Variants in SP140 observed in about 807,000 individuals in gnomAD.
The protein encoded by SP140 is SP140 nuclear body protein, also known as nuclear body protein SP140.
In SP140, 81 loss-of-function variants were observed where a neutral mutation model predicts 125.0. That is an observed-to-expected ratio of 0.65 (90% CI 0.54 to 0.78). The LOEUF is 0.78. SP140 is among the 30% of genes least tolerant of loss of function. The probability of loss-of-function intolerance (pLI) is 0.00; values close to 1 mark genes in which losing one functional copy is unlikely to be tolerated. For synonymous variants in SP140, 312 were observed against 354.0 expected, an observed-to-expected ratio of 0.88 and a Z score of 1.33; for missense variants, 858 against 1,037.0, an observed-to-expected ratio of 0.83 and a Z score of 2.37.
chr2:230,246,369 A>G (rs1363587162), intron 7 of SP140, among the ~76,000 whole-genome samples: 2 of 152,178 alleles, frequency 1.3e-5, no homozygotes, highest in African/African-American at 2.4e-5. Context: ...GGATCCAAAT[A>G]TTACCACGTT....
At position 230,241,470 on chromosome 2, in the gene SP140, T is replaced by C. The variant is rs2048718302; in HGVS notation, c.473T>C (p.Leu158Pro). 6.4e-7 allele frequency: 1 copy of C among 1,572,298 alleles called. No homozygotes were observed. The highest frequency in any genetic ancestry group is 8.8e-7 in the Non-Finnish European group (1 of 1,141,948). Residue 158 changes from leucine to proline, a missense_variant, in exon 4 of 27, where the codon CTA becomes CCA. Physicochemically the swap from Leu to Pro is moderately conservative, Grantham distance 98. This residue lies in a region of SP140 where 791 missense variants were observed against 869.5 expected (regional missense o/e 0.91). Coordinates refer to ENST00000392045, the MANE Select transcript of SP140 (RefSeq NM_007237.5). ...VNDLEDRPRLLPYGKQENSNA... is the reference protein window; with the variant it reads ...VNDLEDRPRLPPYGKQENSNA... Reference sequence around the variant, plus strand: ...GATTTAGAAGATAGACCCAGATTACTACCATATGGTAAACAAGGTAACTAT... The same window carrying C: ...GATTTAGAAGATAGACCCAGATTACCACCATATGGTAAACAAGGTAACTAT...
At chr2:230,247,769 CTCTT>C (rs1190433414) in intron 7 of SP140, 143 bp from the exon 8 acceptor site, 1 of 691,334 alleles carries the variant, frequency 1.4e-6, no homozygotes, top group Non-Finnish European at 2.4e-6. Context: ...TTTCTGATGA[CTCTT>C]TCTCATCTGA....
At chr2:230,294,451 A>G (rs2057465280) in intron 21 of SP140, 133 bp downstream of exon 21, 4 of 646,794 alleles carry the variant, frequency 6.2e-6, no homozygotes, top group South Asian at 4.2e-5. Flanking sequence ...ACCTTAAAAT[A>G]CTTTTTGCAT....
chr2:230,265,314 A>T (rs953238147), intron 12 of SP140, among the ~76,000 whole-genome samples: 3 of 152,004 alleles, frequency 2.0e-5, no homozygotes, highest in African/African-American at 7.3e-5. Context: ...CACTCCCACC[A>T]TGCCCCGCCC....
chr2:230,268,473 C>T (rs1376611720), intron 12 of SP140, among the ~76,000 whole-genome samples: 6 of 149,958 alleles, frequency 4.0e-5, no homozygotes, highest in Non-Finnish European at 7.4e-5. Context: ...TGCAGTGAGC[C>T]GAGATTACGC....
At chr2:230,197,954 A>G in the SP140 span, among the ~76,000 whole-genome samples, 1 of 152,196 alleles carries the variant, frequency 6.6e-6, no homozygotes, top group African/African-American at 2.4e-5. Context: ...GCCTAGCCTG[A>G]TTTACAATTT....
At chr2:230,310,352 T>C (rs1198690008) in intron 23 of SP140, 2 of 481,226 alleles carry the variant, frequency 4.2e-6, no homozygotes, top group East Asian at 8.0e-5. Flanking sequence ...ACCAGTTGTT[T>C]ATATTTTGTG....
intron 15 of SP140, among the ~76,000 whole-genome samples, chr2:230,271,445 A>C (rs934848491): frequency 6.6e-6 from 1 of 152,338 alleles, no homozygotes; most frequent in African/African-American, 2.4e-5. Context: ...ATATTGCGTT[A>C]GAGAAAACCT....
intron 12 of SP140, among the ~76,000 whole-genome samples, chr2:230,263,817 T>C (rs1559287461): frequency 6.6e-6 from 1 of 152,242 alleles, no homozygotes; most frequent in Non-Finnish European, 1.5e-5. Context: ...TCCTGTCTTA[T>C]ATGGTTTCTG....
intron 1 of SP140, among the ~76,000 whole-genome samples, chr2:230,204,029 G>A (rs1318393985): frequency 6.6e-6 from 1 of 152,058 alleles, no homozygotes; most frequent in African/African-American, 2.4e-5. Flanking sequence ...GTAAAAAATT[G>A]GAAAATTGGA....
At chr2:230,186,215 G>A in the SP140 span, 1 of 1,433,036 alleles carries the variant, frequency 7.0e-7, no homozygotes, top group South Asian at 1.2e-5. Flanking sequence ...CCTTTCAGGA[G>A]TTATCTTGCC....
At chr2:230,227,277 A>G (rs977586491) in intron 1 of SP140, among the ~76,000 whole-genome samples, 3 of 152,224 alleles carry the variant, frequency 2.0e-5, no homozygotes, top group Non-Finnish European at 4.4e-5. Flanking sequence ...ACTGGTTTTC[A>G]GTGCCCAGTG....
At chr2:230,197,135 T>A in the SP140 span, among the ~76,000 whole-genome samples, 1 of 152,190 alleles carries the variant, frequency 6.6e-6, no homozygotes, top group East Asian at 1.9e-4. Flanking sequence ...TCCACAATGG[T>A]TGAACTAGTG....
intron 8 of SP140, among the ~76,000 whole-genome samples, chr2:230,248,430 C>A (rs929926335): frequency 6.6e-6 from 1 of 151,834 alleles, no homozygotes; most frequent in Non-Finnish European, 1.5e-5. Context: ...TCTGCAGGTT[C>A]CCGGAGGAGT....
chr2:230,213,002 G>T lies in SP140; in HGVS notation c.-322-652G>T, dbSNP rs1559178549. Reference sequence around the variant, plus strand: ...CTTCAAGTAGGATTGGTGTGTCTCTGCTCTGCCATTCATAGGAAGCACCAA... The same window carrying T: ...CTTCAAGTAGGATTGGTGTGTCTCTTCTCTGCCATTCATAGGAAGCACCAA... On this transcript the variant is annotated intron_variant, in intron 1 of 4. Coordinates refer to the SP140 transcript ENST00000456542. The T allele has an allele frequency of 6.2e-7, 1 of 1,613,934 alleles. No homozygotes were observed. The highest frequency in any genetic ancestry group is 8.5e-7 in the Non-Finnish European group (1 of 1,179,988).
intron 12 of SP140, among the ~76,000 whole-genome samples, chr2:230,258,228 C>G (rs2051576970): frequency 6.6e-6 from 1 of 152,092 alleles, no homozygotes; most frequent in South Asian, 2.1e-4. Flanking sequence ...TCCAAGATGT[C>G]TTTTCTGGAA....
the SP140 span, among the ~76,000 whole-genome samples, chr2:230,197,325 G>T: frequency 1.3e-5 from 2 of 150,772 alleles, no homozygotes; most frequent in Non-Finnish European, 3.0e-5. Flanking sequence ...GTGTTTTTTG[G>T]CTGCATAAAT....
In SP140 at chr2:230,253,330, G is replaced by A. The variant is rs202106349; in HGVS notation, c.1072G>A (p.Ala358Thr). The change falls in exon 11 of 27, where the codon GCA becomes ACA. Residue 358 changes from alanine (A) to threonine (T), a missense_variant. Coordinates refer to ENST00000392045, the MANE Select transcript of SP140 (RefSeq NM_007237.5). The part of the protein sequence containing the change: ...ARCGSVSCLS[A>T]ETFDLKTPQV... Reference sequence around the variant, plus strand: ...TGGTCTGTCAGTTTCTTGTTTATCTGCAGAGACCTTTGATCTAAAGACTCC... The same window carrying A: ...TGGTCTGTCAGTTTCTTGTTTATCTACAGAGACCTTTGATCTAAAGACTCC... 174 of 1,611,166 alleles carry A rather than the reference G, an allele frequency of 1.1e-4. 1 individual carries two copies. In the African/African-American group the frequency reaches 2.0e-3, roughly 18 times the overall value.
chr2:230,284,166 T>G (rs2056038871), intron 15 of SP140, among the ~76,000 whole-genome samples, 180 bp from the exon 16 acceptor site: 1 of 152,212 alleles, frequency 6.6e-6, no homozygotes, highest in Non-Finnish European at 1.5e-5. Flanking sequence ...CCAAGGCTCA[T>G]GCAGAGGTAA....
Sources: gnomAD v4.1 joint callset for allele counts (sites outside exome capture counted in the v4.1 genomes callset) on GRCh38, gnomAD v4.1.1 for gene constraint, gnomAD v4.1.1 regional missense constraint, MANE v1.5 for transcripts, NCBI Gene and HGNC (gene_info 2026-07-23, HGNC 2026-07-21) for gene names.